Variants in PRKAR1A observed in about 807,000 individuals in gnomAD.
PRKAR1A encodes the protein protein kinase cAMP-dependent type I regulatory subunit alpha, also known as cAMP-dependent protein kinase type I-alpha regulatory subunit.
PRKAR1A carries 3 observed loss-of-function variants against 52.0 expected under a neutral mutation model. The observed-to-expected ratio is 0.06, with a 90% CI of 0.03 to 0.15. PRKAR1A has a LOEUF of 0.15. Ranked by LOEUF, PRKAR1A falls within the 10% of genes least tolerant of loss-of-function variation. PRKAR1A has a pLI of 1.00. For synonymous variants in PRKAR1A, 188 were observed against 168.4 expected (o/e 1.12, Z -0.90); for missense variants, 240 against 477.4 (o/e 0.50, Z 4.63).
Position 68,532,950 on chromosome 17 carries a change from G to GCTT in PRKAR1A, c.*2502_*2504dup, listed in dbSNP as rs2086017339. ...GTCAAAGAGTGGATCTCAAAATCTT[G>GCTT]CTTAAAGGGTAATTGAGATGTAGCA... On this transcript the variant is annotated 3_prime_UTR_variant, in exon 11 of 11. Coordinates refer to ENST00000589228, the MANE Select transcript of PRKAR1A (RefSeq NM_002734.5). The GCTT allele has an allele frequency of 2.8e-6, 3 of 1,065,742 alleles. No individual in the cohort carries two copies. The highest frequency in any genetic ancestry group is 3.4e-6 in the Non-Finnish European group (3 of 879,662). The allele number at this position is 1,065,742 out of a possible 1,614,324, so 66.0% of individuals were successfully genotyped here.
At chr17:68,470,549 C>T in the PRKAR1A span, among the ~76,000 whole-genome samples, 290 of 152,282 alleles carry the variant, frequency 1.9e-3, 3 homozygotes, top group Middle Eastern at 0.01. Flanking sequence ...CTTTTCTCTT[C>T]GATATCCTTT....
chr17:68,474,830 G>A, the PRKAR1A span, among the ~76,000 whole-genome samples: 1 of 151,984 alleles, frequency 6.6e-6, no homozygotes, highest in Non-Finnish European at 1.5e-5. Context: ...GCAGTGAGCC[G>A]AGATCGCGCC....
At chr17:68,536,854 C>T (rs2086110602), downstream of PRKAR1A, 2 of 453,970 alleles carry the variant, frequency 4.4e-6, no homozygotes, top group South Asian at 1.6e-5. Flanking sequence ...ATATTCTTAG[C>T]AAATCCCTCT....
At chr17:68,535,739 T>C (rs1217136141), downstream of PRKAR1A, 1 of 452,670 alleles carries the variant, frequency 2.2e-6, no homozygotes, top group African/African-American at 2.0e-5. Context: ...CTCGAGCTCC[T>C]GAGACCAAGC....
chr17:68,433,712 G>T, the PRKAR1A span: 1 of 419,096 alleles, frequency 2.4e-6, no homozygotes, highest in Non-Finnish European at 4.2e-6. Flanking sequence ...AAACACTGTG[G>T]TGCTCATATT....
At position 68,531,414 on chromosome 17, in the gene PRKAR1A, G is replaced by C. The variant is rs914945692; in HGVS notation, c.*965G>C. 2 of 1,065,868 alleles carry C rather than the reference G, an allele frequency of 1.9e-6. No individual in the cohort carries two copies. Among genetic ancestry groups the C allele is most frequent in the African/African-American group, 3.3e-5 (2 of 61,096 alleles). 66.0% of individuals were successfully genotyped at this position (1,065,868 alleles called of 1,614,324 possible). A position where few individuals can be genotyped will look rare whatever the true frequency, so the allele number is the denominator to read the frequency against. ...ATTGGATTTGCTGTGACTAGATACA[G>C]ATGGAGCAAATGTCCTAACAGAGAA... On this transcript the variant is annotated 3_prime_UTR_variant, in exon 11 of 11. Transcript: ENST00000589228.
chr17:68,519,150 C>T (rs1484927345), intron 2 of PRKAR1A, among the ~76,000 whole-genome samples: 1 of 152,178 alleles, frequency 6.6e-6, no homozygotes, highest in African/African-American at 2.4e-5. Context: ...TCCTGTTACC[C>T]AGTTCCAAAG....
chr17:68,527,634 A>G lies in PRKAR1A; in HGVS notation c.709-206A>G, dbSNP rs1214594085. 19 of 532,220 alleles carry G rather than the reference A, an allele frequency of 3.6e-5. No individual in the cohort carries two copies. The East Asian group carries it at 6.1e-4, about 17-fold the overall frequency. The allele number at this position is 532,220 out of a possible 1,614,324, so 33.0% of individuals were successfully genotyped here. On this transcript the variant is annotated intron_variant, in intron 7 of 10. Transcript: ENST00000589228. ...AGGAATTGGGCATAATATTGGCGGA[A>G]AATAAAAATCACAAGAATGTCATAT...
chr17:68,420,502 A>G, the PRKAR1A span: 1 of 1,591,354 alleles, frequency 6.3e-7, no homozygotes, highest in Admixed American at 1.7e-5. Context: ...GTACCTGGAA[A>G]TTAGGCAAGT....
At chr17:68,435,744 G>A in the PRKAR1A span, 1 of 1,598,218 alleles carries the variant, frequency 6.3e-7, no homozygotes, top group South Asian at 1.1e-5. Flanking sequence ...GGATACAGAT[G>A]CTGCGGAGGA....
the PRKAR1A span, chr17:68,436,297 A>G: frequency 7.9e-7 from 1 of 1,266,470 alleles, no homozygotes; most frequent in Admixed American, 1.7e-5. Flanking sequence ...CCAGCCCCCG[A>G]CGGCAGGGCG....
At chr17:68,537,209 C>G (rs1021666581), downstream of PRKAR1A, 1 of 618,652 alleles carries the variant, frequency 1.6e-6, no homozygotes. This position sits in a 1 kb window ranked among gnomAD's most constrained non-coding sequence, Gnocchi z 4.2. Flanking sequence ...CCCAGATTTC[C>G]CAGTGCACTC....
chr17:68,420,523 A>G, the PRKAR1A span: 1 of 1,565,542 alleles, frequency 6.4e-7, no homozygotes, highest in Non-Finnish European at 8.7e-7. Context: ...TTGCTTCCAA[A>G]TTTCATTTTT....
chr17:68,456,846 C>T, the PRKAR1A span, among the ~76,000 whole-genome samples: 2 of 152,192 alleles, frequency 1.3e-5, no homozygotes, highest in East Asian at 3.9e-4. Context: ...CCTCTTTGTC[C>T]GAGGCCCTGC....
At chr17:68,491,079 A>ATTCT in the PRKAR1A span, among the ~76,000 whole-genome samples, 12 of 99,872 alleles carry the variant, frequency 1.2e-4, no homozygotes, top group African/African-American at 3.3e-4. Flanking sequence ...CAAAAAAATG[A>ATTCT]TTATTTCTTT....
At chr17:68,514,302 T>C (rs1172799709) in intron 1 of PRKAR1A, among the ~76,000 whole-genome samples, 2 of 152,228 alleles carry the variant, frequency 1.3e-5, no homozygotes, top group Admixed American at 6.5e-5. Context: ...TTCATCTCAA[T>C]AGTTTACAAT....
chr17:68,538,030 GA>G (rs1256403541), downstream of PRKAR1A, among the ~76,000 whole-genome samples: 1 of 152,204 alleles, frequency 6.6e-6, no homozygotes, highest in Non-Finnish European at 1.5e-5. Flanking sequence ...AACGCTAAGG[GA>G]ATCAAAACCA....
intron 1 of PRKAR1A, among the ~76,000 whole-genome samples, chr17:68,514,589 A>G (rs769987997): frequency 2.6e-5 from 4 of 152,216 alleles, no homozygotes; most frequent in African/African-American, 4.8e-5. Context: ...ATTAAATGCA[A>G]TTTATCTATT....
chr17:68,460,582 A>G, the PRKAR1A span, among the ~76,000 whole-genome samples: 1 of 152,236 alleles, frequency 6.6e-6, no homozygotes, highest in East Asian at 1.9e-4. Context: ...TTATGGCACC[A>G]GCCATGTGGA....
Sources: allele counts gnomAD v4.1 joint callset (sites outside exome capture counted in the v4.1 genomes callset), GRCh38; gene constraint gnomAD v4.1.1; non-coding constraint Gnocchi (gnomAD v3.1); transcripts MANE v1.5; gene names NCBI Gene and HGNC (gene_info 2026-07-23, HGNC 2026-07-21).